HSPG2: variants seen among roughly 807,000 people sequenced by gnomAD.
HSPG2 encodes heparan sulfate proteoglycan 2, also known as basement membrane-specific heparan sulfate proteoglycan core protein.
HSPG2 carries 278 observed loss-of-function variants against 526.6 expected under a neutral mutation model. The observed-to-expected ratio is 0.53, with a 90% CI of 0.48 to 0.58. The LOEUF (loss-of-function observed/expected upper bound fraction) is 0.58, where lower values mean the gene tolerates loss of function less well. Ranked by LOEUF, HSPG2 falls within the 20% of genes least tolerant of loss-of-function variation. HSPG2 has a pLI of 0.00. For synonymous variants in HSPG2, 2,465 were observed against 2,555.4 expected, an observed-to-expected ratio of 0.96 and a Z score of 1.07; for missense variants, 5,354 against 6,099.5, an observed-to-expected ratio of 0.88 and a Z score of 4.07.
chr1:21,916,067 A>AG (rs1491115146), intron 1 of HSPG2, among the ~76,000 whole-genome samples: 1 of 137,792 alleles, frequency 7.3e-6, no homozygotes, highest in Non-Finnish European at 1.6e-5. Context: ...GAAAAGAAGA[A>AG]GAAGAAAAAA....
Position 21,851,910 on chromosome 1 carries a change from A to G in HSPG2, c.6887T>C (p.Leu2296Pro). ...GGCAGGTGAGGCCTGGAAGATGTAC[A>G]GGCGGGAGCCACGAACCTGGGCAGC... ...PARHQVRGSR[L>P]YIFQASPADA... Residue 2296 changes from leucine (L) to proline (P), a missense_variant, in exon 54 of 97, where the codon CTG becomes CCG. Leu to Pro is a moderately conservative substitution (Grantham distance 98). Coordinates refer to ENST00000374695, the MANE Select transcript of HSPG2 (RefSeq NM_005529.7). 1 of 1,604,944 alleles carries G rather than the reference A, an allele frequency of 6.2e-7. No individual in the cohort carries two copies. The highest frequency in any genetic ancestry group is 8.5e-7 in the Non-Finnish European group (1 of 1,176,430).
chr1:21,831,827 G>A (rs370921651), intron 81 of HSPG2, 31 bp from the exon 82 acceptor site: 17 of 1,575,278 alleles, frequency 1.1e-5, no homozygotes, highest in Non-Finnish European at 1.4e-5. Context: ...GGGCAGGAGA[G>A]AGTGGATAGG....
In HSPG2 at chr1:21,822,304, C is replaced by G; in HGVS notation, c.*1012G>C. On this transcript the variant is annotated 3_prime_UTR_variant, in exon 97 of 97. Coordinates refer to ENST00000374695, the MANE Select transcript of HSPG2 (RefSeq NM_005529.7). ...GACAAAGACCACAGGAGGGTCCCTTCTAGGACACAGAGGCCAGGCGTCCCA... is the reference window on the plus strand; with the variant it reads ...GACAAAGACCACAGGAGGGTCCCTTGTAGGACACAGAGGCCAGGCGTCCCA... 7.1e-7 allele frequency: 1 copy of G among 1,399,600 alleles called. No homozygotes were observed. Among genetic ancestry groups the G allele is most frequent in the South Asian group, 1.2e-5 (1 of 85,958 alleles). 86.7% of individuals were successfully genotyped at this position (1,399,600 alleles called of 1,614,324 possible). A position where few individuals can be genotyped will look rare whatever the true frequency, so the allele number is the denominator to read the frequency against.
At position 21,822,260 on chromosome 1, in the gene HSPG2, G is replaced by C; in HGVS notation, c.*1056C>G. 6.3e-7 allele frequency: 1 copy of C among 1,589,824 alleles called. No individual in the cohort carries two copies. The highest frequency in any genetic ancestry group is 1.3e-5 in the African/African-American group (1 of 74,556). Reference sequence around the variant, plus strand: ...GGAGGCCCCTGGCGGGGATAGCACCGTTTATTAAGAAAAATCAAGACAAAG... The same window carrying C: ...GGAGGCCCCTGGCGGGGATAGCACCCTTTATTAAGAAAAATCAAGACAAAG... On this transcript the variant is annotated 3_prime_UTR_variant, in exon 97 of 97. Transcript: ENST00000374695.
chr1:21,833,918 G>A lies in HSPG2; in HGVS notation c.10728C>T (p.Pro3576=). 6.3e-7 allele frequency: 1 copy of A among 1,583,604 alleles called. No homozygotes were observed. The highest frequency in any genetic ancestry group is 8.6e-7 in the Non-Finnish European group (1 of 1,164,206). ...GGACTTCTTGGGGCATTGAGATCTG[G>A]GGCAAGGCTGAGAGGCATGGAAGAG... ...SHVLLLVQAL[P]QISMPQEVRV... Residue 3576 remains proline (P), a synonymous_variant, in exon 78 of 97, where the codon CCC becomes CCT. Transcript: ENST00000374695.
intron 3 of HSPG2, among the ~76,000 whole-genome samples, chr1:21,894,883 G>A (rs1642639939): frequency 6.8e-6 from 1 of 147,628 alleles, no homozygotes; most frequent in Non-Finnish European, 1.5e-5. Flanking sequence ...GCAGCCTCGT[G>A]GAGACCTACA....
At chr1:21,926,555 C>A (rs1463840245) in intron 1 of HSPG2, among the ~76,000 whole-genome samples, 1 of 151,962 alleles carries the variant, frequency 6.6e-6, no homozygotes, top group Non-Finnish European at 1.5e-5. Flanking sequence ...AAGTTTGAGA[C>A]CAGCCTGGCC....
At chr1:21,901,261 T>C (rs1400847687) in intron 1 of HSPG2, among the ~76,000 whole-genome samples, 1 of 152,104 alleles carries the variant, frequency 6.6e-6, no homozygotes, top group Non-Finnish European at 1.5e-5. Context: ...GTGAGGCGTT[T>C]ACTTATACAG....
Position 21,831,748 on chromosome 1 carries a change from C to T in HSPG2, c.11256G>A (p.Leu3752=), listed in dbSNP as rs144122107. 127 of 1,605,272 alleles carry T rather than the reference C, an allele frequency of 7.9e-5. 1 individual carries two copies. The African/African-American group carries it at 1.6e-3, about 20-fold the overall frequency. The change falls in exon 82 of 97, where the codon CTG becomes CTA. Residue 3752 remains leucine, a synonymous_variant. Transcript: ENST00000374695. ...GMATIRHPTP[L]ALGHFHTVTL... ...TCACGGTGTGGAAATGGCCCAGGGC[C>T]AGTGGTGTGGGATGGCGGATGGTGG... is the stretch of plus-strand genomic sequence containing the variant.
intron 42 of HSPG2, among the ~76,000 whole-genome samples, chr1:21,857,727 T>A (rs974821294): frequency 2.0e-5 from 3 of 152,120 alleles, no homozygotes; most frequent in Non-Finnish European, 4.4e-5. Context: ...CAAAAACAAC[T>A]ATTTCACACC....
rs1316494531 is a variant in HSPG2, at chr1:21,839,515, G to A, written c.9745C>T (p.Arg3249Cys). 2.5e-6 allele frequency: 4 copies of A among 1,613,990 alleles called. No homozygotes were observed. The highest frequency in any genetic ancestry group is 1.3e-5 in the African/African-American group (1 of 74,912). ...PAPTIHWSKL[R>C]SPLPWQHRLE... ...CGGTGCTGCCAGGGCAGTGGGGAACGCAGCTTGGACCAGTGGATGGTGGGC... is the reference window on the plus strand; with the variant it reads ...CGGTGCTGCCAGGGCAGTGGGGAACACAGCTTGGACCAGTGGATGGTGGGC... Residue 3249 changes from arginine to cysteine, a missense_variant, in exon 73 of 97, where the codon CGT (arginine) becomes TGT (cysteine). Physicochemically the swap from Arg to Cys is radical, Grantham distance 180 (BLOSUM62 -3). Transcript: ENST00000374695. This position sits in a 1 kb window ranked among gnomAD's most constrained non-coding sequence, Gnocchi z 4.5.
At chr1:21,909,455 C>T (rs529716801) in intron 1 of HSPG2, among the ~76,000 whole-genome samples, 10 of 152,176 alleles carry the variant, frequency 6.6e-5, no homozygotes, top group Non-Finnish European at 1.2e-4. Flanking sequence ...CCTGACCAGT[C>T]CCTAGATTCC....
rs1264390309 is a variant in HSPG2, at chr1:21,878,602, C to T, written c.2533G>A (p.Gly845Ser). ...GQATCDACAPGYTGRRCESCA... is the reference protein window; with the variant it reads ...GQATCDACAPSYTGRRCESCA... ...CTCTCACAGCGGCGGCCAGTGTAGC[C>T]TGGGGCACAGGCGTCACATGTGGCT... Residue 845 changes from glycine (G) to serine (S), a missense_variant, in exon 19 of 97, where the codon GGC (glycine) becomes AGC (serine). Coordinates refer to ENST00000374695, the MANE Select transcript of HSPG2 (RefSeq NM_005529.7). 5.6e-6 allele frequency: 9 copies of T among 1,614,132 alleles called. No individual in the cohort carries two copies. Among genetic ancestry groups the T allele is most frequent in the East Asian group, 2.2e-5 (1 of 44,880 alleles).
In HSPG2 at chr1:21,850,034, C is replaced by A; in HGVS notation, c.7446+7G>T. On this transcript the variant is annotated splice_region_variant and intron_variant, in intron 57 of 96. Transcript: ENST00000374695. ...TCCTTCAGGCTTCCTGAGCTCCTGC[C>A]TCCTACCTGGTGCCGGGCCGGGAGG... 6.2e-7 allele frequency: 1 copy of A among 1,612,826 alleles called. No individual in the cohort carries two copies.
At chr1:21,863,201 G>A (rs1455274358) in intron 37 of HSPG2, among the ~76,000 whole-genome samples, 11 of 148,326 alleles carry the variant, frequency 7.4e-5, no homozygotes, top group African/African-American at 2.5e-4. Context: ...GTGAAACCCC[G>A]CCTCTACTAA....
chr1:21,924,998 C>T (rs1030032980), intron 1 of HSPG2, among the ~76,000 whole-genome samples: 4 of 152,194 alleles, frequency 2.6e-5, no homozygotes, highest in Non-Finnish European at 4.4e-5. Flanking sequence ...TTATAGCTTA[C>T]GAGTCCTGCC....
chr1:21,876,146 AC>A, intron 23 of HSPG2, 82 bp downstream of exon 23: 1 of 1,566,994 alleles, frequency 6.4e-7, no homozygotes, highest in South Asian at 1.1e-5. Context: ...CTCCCAAGGC[AC>A]CACGACCCTC....
intron 9 of HSPG2, among the ~76,000 whole-genome samples, chr1:21,886,015 G>A (rs777313416): frequency 2.6e-5 from 4 of 152,250 alleles, no homozygotes; most frequent in African/African-American, 9.6e-5. Flanking sequence ...GGGAGATGGA[G>A]CTTGAGAGAG....
At chr1:21,891,981 G>T (rs1642396815) in intron 3 of HSPG2, among the ~76,000 whole-genome samples, 1 of 152,254 alleles carries the variant, frequency 6.6e-6, no homozygotes, top group African/African-American at 2.4e-5. Context: ...ATGAATAAGA[G>T]TGACAAATGA....
Sources: gnomAD v4.1 joint callset for allele counts (sites outside exome capture counted in the v4.1 genomes callset) on GRCh38, gnomAD v4.1.1 for gene constraint, Gnocchi (gnomAD v3.1) non-coding constraint, MANE v1.5 for transcripts, NCBI Gene and HGNC (gene_info 2026-07-23, HGNC 2026-07-21) for gene names.